ARHGAP21: variants seen among roughly 807,000 people sequenced by gnomAD.
The protein encoded by ARHGAP21 is rho GTPase-activating protein 21.
ARHGAP21 carries 38 observed loss-of-function variants against 164.6 expected under a neutral mutation model. The ratio of observed to expected loss-of-function variants is 0.23; its 90% confidence interval spans 0.18 to 0.30. The LOEUF (loss-of-function observed/expected upper bound fraction) is 0.30, where lower values mean the gene tolerates loss of function less well. ARHGAP21 is among the 10% of genes least tolerant of loss of function. The pLI, the probability that ARHGAP21 is intolerant of heterozygous loss-of-function variation, is 1.00. For missense variants in ARHGAP21, 1,822 were observed against 2,370.7 expected (o/e 0.77, Z 4.81); for synonymous variants, 766 against 857.9 (o/e 0.89, Z 1.87).
chr10:24,609,093 TGAATACTGATGTGAAGAG>T (rs2077149705), intron 9 of ARHGAP21, among the ~76,000 whole-genome samples: 1 of 152,222 alleles, frequency 6.6e-6, no homozygotes. Context: ...TACAGATTAA[TGAATACTGATGTGAAGAG>T]GAATACACTG....
intron 2 of ARHGAP21, among the ~76,000 whole-genome samples, chr10:24,714,813 T>C (rs558611838): frequency 6.6e-6 from 1 of 152,214 alleles, no homozygotes; most frequent in African/African-American, 2.4e-5. Flanking sequence ...AGTAGGCAGA[T>C]CACAAGGTCA....
intron 7 of ARHGAP21, chr10:24,628,928 CATACAT>C (rs1835478492): frequency 1.2e-5 from 1 of 81,378 alleles, no homozygotes; most frequent in Non-Finnish European, 2.2e-5. Context: ...CATATATATA[CATACAT>C]ATATATACAC....
chr10:24,650,396 G>C (rs1838037382), intron 4 of ARHGAP21, among the ~76,000 whole-genome samples: 1 of 152,056 alleles, frequency 6.6e-6, no homozygotes, highest in South Asian at 2.1e-4. Flanking sequence ...ATAGGAAGGA[G>C]ATAATGGAGT....
intron 2 of ARHGAP21, among the ~76,000 whole-genome samples, chr10:24,704,039 G>T (rs148364408): frequency 6.6e-6 from 1 of 152,240 alleles, no homozygotes; most frequent in African/African-American, 2.4e-5. Flanking sequence ...AAATCTAAAT[G>T]ATCTGACAAC....
rs2076554633 is a variant in ARHGAP21, at chr10:24,595,774, T to C, written c.3655A>G (p.Ile1219Val). The change falls in exon 19 of 26, where the codon ATA becomes GTA. Residue 1219 changes from isoleucine to valine, a missense_variant. By Grantham distance (29) the Ile-to-Val change is conservative. Coordinates refer to ENST00000396432, the MANE Select transcript of ARHGAP21 (RefSeq NM_020824.4). ...QDDKWRDLNVISSLLKSFFRK... is the reference protein window; with the variant it reads ...QDDKWRDLNVVSSLLKSFFRK... ...AAGAAGGATTTTAGTAAACTGCTTA[T>C]CACATTCAAATCTCGCCATTTCTAG... 4 of 1,613,720 alleles carry C rather than the reference T, an allele frequency of 2.5e-6. No homozygotes were observed. Among genetic ancestry groups the C allele is most frequent in the Non-Finnish European group, 3.4e-6 (4 of 1,179,798 alleles).
intron 6 of ARHGAP21, among the ~76,000 whole-genome samples, chr10:24,633,075 T>C (rs889901319): frequency 6.6e-6 from 1 of 152,236 alleles, no homozygotes; most frequent in African/African-American, 2.4e-5. Context: ...AAATAAACTA[T>C]ATATGCATTT....
intron 4 of ARHGAP21, among the ~76,000 whole-genome samples, chr10:24,635,834 C>T (rs1182774007): frequency 1.3e-5 from 2 of 152,196 alleles, no homozygotes; most frequent in Non-Finnish European, 2.9e-5. Context: ...CGTGAGCCAC[C>T]GTGCCCAGCC....
intron 7 of ARHGAP21, among the ~76,000 whole-genome samples, chr10:24,625,372 C>T (rs1302635606): frequency 2.7e-5 from 4 of 145,602 alleles, no homozygotes; most frequent in East Asian, 2.1e-4. Flanking sequence ...CCTTTCAGTT[C>T]ACCTTTAACA....
chr10:24,669,181 A>T (rs771624023), intron 3 of ARHGAP21, among the ~76,000 whole-genome samples: 5 of 152,166 alleles, frequency 3.3e-5, no homozygotes, highest in Non-Finnish European at 5.9e-5. Flanking sequence ...AAAAAATTTT[A>T]AAAAAGAAAA....
At chr10:24,709,640 T>C (rs1389053416) in intron 2 of ARHGAP21, among the ~76,000 whole-genome samples, 1 of 151,486 alleles carries the variant, frequency 6.6e-6, no homozygotes, top group Non-Finnish European at 1.5e-5. Context: ...CTCAGGAGAC[T>C]GGACAGAAAG....
intron 8 of ARHGAP21, among the ~76,000 whole-genome samples, chr10:24,621,636 A>G (rs899725174): frequency 6.6e-6 from 1 of 152,206 alleles, no homozygotes; most frequent in Non-Finnish European, 1.5e-5. Context: ...ATTTCTACCC[A>G]ACCAATTAGA....
intron 4 of ARHGAP21, among the ~76,000 whole-genome samples, chr10:24,637,428 A>G (rs1156419405): frequency 6.6e-6 from 1 of 152,222 alleles, no homozygotes; most frequent in Non-Finnish European, 1.5e-5. Flanking sequence ...GTCTTGTTGC[A>G]TCAAGTCACT....
At chr10:24,679,273 A>G (rs1011858771) in intron 2 of ARHGAP21, among the ~76,000 whole-genome samples, 5 of 152,212 alleles carry the variant, frequency 3.3e-5, no homozygotes, top group African/African-American at 9.7e-5. Flanking sequence ...GCACCGGCAG[A>G]TTCAGTGTTT....
intron 4 of ARHGAP21, among the ~76,000 whole-genome samples, chr10:24,657,295 TGG>T (rs774548572): frequency 4.6e-4 from 3 of 6,558 alleles, no homozygotes; most frequent in Admixed American, 2.3e-3. Flanking sequence ...GGGAGGGAGG[TGG>T]GGGGGGGGTC....
At chr10:24,648,045 G>A (rs1440371045) in intron 4 of ARHGAP21, among the ~76,000 whole-genome samples, 1 of 152,066 alleles carries the variant, frequency 6.6e-6, no homozygotes, top group Non-Finnish European at 1.5e-5. Context: ...TCACTGTGTT[G>A]GCCAGACTGG....
intron 4 of ARHGAP21, among the ~76,000 whole-genome samples, chr10:24,665,548 G>A (rs1020820349): frequency 6.6e-6 from 1 of 152,074 alleles, no homozygotes; most frequent in Non-Finnish European, 1.5e-5. Flanking sequence ...ATCTAGAAGA[G>A]GCAAAAATTA....
At chr10:24,596,973 TA>T in intron 16 of ARHGAP21, 91 bp from the exon 17 acceptor site, 1 of 1,353,718 alleles carries the variant, frequency 7.4e-7, no homozygotes, top group Non-Finnish European at 9.9e-7. Flanking sequence ...AATGTTTACA[TA>T]AATCCAAGTC....
In ARHGAP21 at chr10:24,593,080, CA is replaced by C. The variant is rs202223907; in HGVS notation, c.3877-1069del. On this transcript the variant is annotated intron_variant, in intron 21 of 25. Transcript: ENST00000396432. The stretch of plus-strand genomic sequence containing the variant: ...ACTTTAATCAACCCTAATAACATCC[CA>C]GGGGGGTAAAAACCACTGCCAAACT... Among the ~76,000 whole-genome samples, 237 of 152,164 alleles carry C rather than the reference CA, an allele frequency of 1.6e-3. 5 individuals are homozygous for C. The East Asian group carries it at 0.038, about 25-fold the overall frequency.
intron 21 of ARHGAP21, among the ~76,000 whole-genome samples, chr10:24,594,307 T>C (rs1055337788): frequency 4.6e-5 from 7 of 152,066 alleles, no homozygotes; most frequent in Admixed American, 2.0e-4. Flanking sequence ...TGTTTGGATA[T>C]TGACTTAAGC....
Sources: allele counts gnomAD v4.1 joint callset (sites outside exome capture counted in the v4.1 genomes callset), GRCh38; gene constraint gnomAD v4.1.1; transcripts MANE v1.5; gene names NCBI Gene and HGNC (gene_info 2026-07-23, HGNC 2026-07-21).